PCDHA1: variants seen among roughly 807,000 people sequenced by gnomAD.
PCDHA1 encodes protocadherin alpha 1, also known as protocadherin alpha-1.
A neutral mutation model predicts 61.3 loss-of-function variants in PCDHA1; 42 were observed. The ratio of observed to expected loss-of-function variants is 0.69; its 90% CI spans 0.54 to 0.89. The LOEUF is 0.89. Among genes scored for constraint, PCDHA1 ranks in the 40% least tolerant of loss-of-function variants. PCDHA1 has a pLI of 0.00. For synonymous variants in PCDHA1, 610 were observed against 553.8 expected, an observed-to-expected ratio of 1.10 and a Z score of -1.43; for missense variants, 1,256 against 1,235.3, an observed-to-expected ratio of 1.02 and a Z score of -0.25.
intron 1 of PCDHA1, among the ~76,000 whole-genome samples, chr5:140,956,062 T>G (rs2153708941): frequency 6.6e-6 from 1 of 152,228 alleles, no homozygotes; most frequent in South Asian, 2.1e-4. Flanking sequence ...GACAATGGGG[T>G]TTTCCAGATA....
chr5:140,828,485 T>A (rs2150155911), intron 1 of PCDHA1: 2 of 1,614,056 alleles, frequency 1.2e-6, no homozygotes, highest in Admixed American at 3.3e-5. Context: ...CAACCCGCCC[T>A]TGTTCCCGGT....
chr5:140,796,363 A>C, intron 1 of PCDHA1: 1 of 1,612,626 alleles, frequency 6.2e-7, no homozygotes. Flanking sequence ...CGTGAAGGAG[A>C]ACAACCCGCC....
At chr5:140,960,629 A>C (rs1370416431) in intron 1 of PCDHA1, among the ~76,000 whole-genome samples, 1 of 152,192 alleles carries the variant, frequency 6.6e-6, no homozygotes, top group Admixed American at 6.5e-5. Flanking sequence ...TTTGAAATAT[A>C]TTTTTAAAAC....
chr5:140,797,123 C>A (rs1173603026), intron 1 of PCDHA1: 2 of 1,614,018 alleles, frequency 1.2e-6, no homozygotes, highest in East Asian at 4.5e-5. Flanking sequence ...CTGTACACTG[C>A]GCTGCGGTGC....
In PCDHA1 at chr5:141,003,361, G is replaced by A. The variant is rs2098120892; in HGVS notation, c.2543-6266G>A. Among the ~76,000 whole-genome samples the A allele has an allele frequency of 5.9e-5, 9 of 152,298 alleles. No individual in the cohort carries two copies. The South Asian group carries it at 1.9e-3, about 32-fold the overall frequency. On this transcript the variant is annotated intron_variant, in intron 3 of 3. Coordinates refer to ENST00000504120, the MANE Select transcript of PCDHA1 (RefSeq NM_018900.4). ...TTTGTTTGCTCTGTCACCCAGGCTG[G>A]AGTGCAGTGGTGCAATCTCAGCTCA...
intron 1 of PCDHA1, among the ~76,000 whole-genome samples, chr5:140,792,840 C>T (rs1297779373): frequency 3.9e-5 from 6 of 152,142 alleles, no homozygotes; most frequent in South Asian, 2.1e-4. Flanking sequence ...AATGCTGTAA[C>T]GAGCAGTTCT....
chr5:140,883,962 T>G, intron 1 of PCDHA1: 3 of 1,613,126 alleles, frequency 1.9e-6, no homozygotes, highest in Non-Finnish European at 2.5e-6. Context: ...GCTCCGGCGC[T>G]GCTGACGCCC....
At position 140,791,777 on chromosome 5, in the gene PCDHA1, A is replaced by G. The variant is rs1024758596; in HGVS notation, c.2394+3093A>G. On this transcript the variant is annotated intron_variant, in intron 1 of 3. Coordinates refer to ENST00000504120, the MANE Select transcript of PCDHA1 (RefSeq NM_018900.4). ...AACTGAAATTTAAAATGTCATAGAT[A>G]TTCCTTCTTTTTTCTTGCTTAGCAT... 3.9e-5 allele frequency among the ~76,000 whole-genome samples: 6 copies of G among 152,296 alleles called. No homozygotes were observed. The East Asian group carries it at 1.2e-3, about 29-fold the overall frequency.
intron 1 of PCDHA1, chr5:140,801,234 T>TA: frequency 6.2e-7 from 1 of 1,612,804 alleles, no homozygotes; most frequent in Non-Finnish European, 8.5e-7. Context: ...TGGAGCCCAG[T>TA]GCCTGCTGCT....
At chr5:140,945,768 T>C (rs1212479192) in intron 1 of PCDHA1, among the ~76,000 whole-genome samples, 3 of 152,062 alleles carry the variant, frequency 2.0e-5, no homozygotes, top group African/African-American at 7.2e-5. Flanking sequence ...GTGGGACAAT[T>C]TGATATCCAG....
rs782568001 is a variant in PCDHA1, at chr5:140,876,674, A to G, written c.2394+87990A>G. The G allele has an allele frequency of 5.0e-6, 8 of 1,614,142 alleles. No homozygotes were observed. The South Asian group carries it at 7.7e-5, about 16-fold the overall frequency. On this transcript the variant is annotated intron_variant, in intron 1 of 3. Transcript: ENST00000504120. ...GTTCCCTTCAAGCTGGTGTCCACCTACAAGAATTACTACTCGTTGGTGCTG... is the reference window on the plus strand; with the variant it reads ...GTTCCCTTCAAGCTGGTGTCCACCTGCAAGAATTACTACTCGTTGGTGCTG...
intron 1 of PCDHA1, among the ~76,000 whole-genome samples, chr5:140,908,732 A>G (rs909800763): frequency 6.6e-6 from 1 of 152,200 alleles, no homozygotes; most frequent in African/African-American, 2.4e-5. Flanking sequence ...ATATGGCTCG[A>G]GAAACAGAGC....
chr5:140,930,594 A>G (rs1554207944), intron 1 of PCDHA1: 2 of 152,716 alleles, frequency 1.3e-5, no homozygotes, highest in East Asian at 3.9e-4. Flanking sequence ...GACTTCTCAT[A>G]GAAATCCTAG....
intron 1 of PCDHA1, among the ~76,000 whole-genome samples, chr5:140,930,805 A>T (rs2087129378): frequency 6.6e-6 from 1 of 152,218 alleles, no homozygotes; most frequent in Non-Finnish European, 1.5e-5. Flanking sequence ...CCAGCATATA[A>T]GATATGCTTA....
At chr5:140,869,020 T>C in intron 1 of PCDHA1, 8 of 1,525,458 alleles carry the variant, frequency 5.2e-6, no homozygotes, top group Non-Finnish European at 7.0e-6. Flanking sequence ...TTCTTAAGAA[T>C]TCAACGAGAT....
rs782776948 is a variant in PCDHA1 at position 141,009,898 on chromosome 5, A to T, written c.2814A>T (p.Lys938Asn). The T allele has an allele frequency of 5.6e-6, 9 of 1,613,182 alleles. No individual in the cohort carries two copies. Among genetic ancestry groups the T allele is most frequent in the Admixed American group, 1.7e-5 (1 of 59,722 alleles). The change falls in exon 4 of 4, where the codon AAA (lysine) becomes AAT (asparagine). Residue 938 changes from lysine (K) to asparagine (N), a missense_variant. Physicochemically the swap from Lys to Asn is moderately conservative, Grantham distance 94 (BLOSUM62 0). Transcript: ENST00000504120. ...AGGGTAACAAGACCCAGGAGAAAAA[A>T]GAGAAAGGGAACAGCACGACTGACA... ...KKKGNKTQEK[K>N]EKGNSTTDNS...
chr5:140,853,923 T>C lies in PCDHA1; in HGVS notation c.2394+65239T>C, dbSNP rs150827815. 226 of 917,558 alleles carry C rather than the reference T, an allele frequency of 2.5e-4. 13 individuals carry two copies. The highest frequency in any genetic ancestry group is 2.8e-4 in the Non-Finnish European group (208 of 754,762). The allele number at this position is 917,558 out of a possible 1,614,324, so 56.8% of individuals were successfully genotyped here. A position where few individuals can be genotyped will look rare whatever the true frequency, so the allele number is the denominator to read the frequency against. On this transcript the variant is annotated intron_variant, in intron 1 of 3. Coordinates refer to ENST00000504120, the MANE Select transcript of PCDHA1 (RefSeq NM_018900.4). Reference sequence around the variant, plus strand: ...TGGCCTGACACCTGCAATCCCAACATTTTGGGAGGCCAAGGTGGGAGGGTC... The same window carrying C: ...TGGCCTGACACCTGCAATCCCAACACTTTGGGAGGCCAAGGTGGGAGGGTC...
rs371192718 is a variant in PCDHA1 at position 140,787,943 on chromosome 5, G to A, written c.1653G>A (p.Leu551=). Residue 551 remains leucine (L), a synonymous_variant, in exon 1 of 4, where the codon CTG becomes CTA. Transcript: ENST00000504120. ...CGCCTCTGGGCAGCAACGTGACGCT[G>A]CAGGTGTTCGTGCTGGACGAGAACG... ...GVPPLGSNVT[L]QVFVLDENDN... The A allele has an allele frequency of 3.7e-6, 6 of 1,613,916 alleles. No homozygotes were observed. The highest frequency in any genetic ancestry group is 4.2e-6 in the Non-Finnish European group (5 of 1,179,916).
intron 3 of PCDHA1, among the ~76,000 whole-genome samples, chr5:140,988,219 G>C (rs976112285): frequency 1.3e-5 from 2 of 152,132 alleles, no homozygotes; most frequent in African/African-American, 2.4e-5. Flanking sequence ...AAAAAAATGA[G>C]ATCAGGGATC....
Sources: allele counts gnomAD v4.1 joint callset (sites outside exome capture counted in the v4.1 genomes callset), GRCh38; gene constraint gnomAD v4.1.1; transcripts MANE v1.5; gene names NCBI Gene and HGNC (gene_info 2026-07-23, HGNC 2026-07-21).